The following RARB variants were observed in gnomAD, a reference collection of about 807,000 sequenced individuals.
RARB encodes HBV-activated protein.
In RARB, 17 loss-of-function variants were observed where a neutral mutation model predicts 51.9. The observed-to-expected ratio is 0.33, with a 90% CI of 0.22 to 0.49. The LOEUF is 0.49. Ranked by LOEUF, RARB falls within the 20% of genes least tolerant of loss-of-function variation. The probability of loss-of-function intolerance (pLI) is 0.99; values close to 1 mark genes in which losing one functional copy is unlikely to be tolerated. For missense variants in RARB, 369 were observed against 550.8 expected (o/e 0.67, Z 3.30); for synonymous variants, 215 against 195.4 (o/e 1.10, Z -0.84).
intron 2 of RARB, among the ~76,000 whole-genome samples, chr3:24,984,322 T>C (rs575828764): frequency 3.3e-5 from 5 of 152,206 alleles, no homozygotes; most frequent in Non-Finnish European, 5.9e-5. Flanking sequence ...TGTGACTGTT[T>C]GCTCACTCAT....
chr3:25,300,005 T>A, intron 5 of RARB, among the ~76,000 whole-genome samples: 1 of 152,248 alleles, frequency 6.6e-6, no homozygotes, highest in Non-Finnish European at 1.5e-5. Flanking sequence ...ATTTTTTTAA[T>A]TCATTTGATT....
intron 5 of RARB, among the ~76,000 whole-genome samples, chr3:25,313,264 A>G (rs1323627995): frequency 1.3e-5 from 2 of 152,238 alleles, no homozygotes; most frequent in African/African-American, 4.8e-5. Context: ...TAGATAAACC[A>G]GACTTAGAAT....
Position 25,461,186 on chromosome 3 carries a change from A to G in RARB, c.158-7A>G, listed in dbSNP as rs182336010. Reference sequence around the variant, plus strand: ...TTTTTTCTCCCTCTACCCCATCTCTATTATAGCAATTGAAACACAGAGCAC... The same window carrying G: ...TTTTTTCTCCCTCTACCCCATCTCTGTTATAGCAATTGAAACACAGAGCAC... On this transcript the variant is annotated splice_polypyrimidine_tract_variant and splice_region_variant and intron_variant, in intron 1 of 7. Transcript: ENST00000330688. 27 of 1,603,924 alleles carry G rather than the reference A, an allele frequency of 1.7e-5. No homozygotes were observed. The Middle Eastern group carries it at 6.7e-4, about 40-fold the overall frequency.
At chr3:25,175,476 G>A (rs1700724677) in intron 5 of RARB, among the ~76,000 whole-genome samples, 1 of 152,146 alleles carries the variant, frequency 6.6e-6, no homozygotes, top group Non-Finnish European at 1.5e-5. Flanking sequence ...TATTAGCATG[G>A]TATCATTGGG....
chr3:25,202,885 G>A (rs553302084), intron 5 of RARB, among the ~76,000 whole-genome samples: 3 of 152,352 alleles, frequency 2.0e-5, no homozygotes, highest in Admixed American at 6.5e-5. Context: ...TAACTGCAAT[G>A]TGGTGCTGAG....
At chr3:25,142,985 G>A (rs1700134295) in intron 4 of RARB, among the ~76,000 whole-genome samples, 1 of 152,178 alleles carries the variant, frequency 6.6e-6, no homozygotes, top group African/African-American at 2.4e-5. Context: ...AGTAGTGATA[G>A]GAATTTTCTG....
chr3:25,136,045 C>T (rs1700027908), intron 4 of RARB, among the ~76,000 whole-genome samples: 1 of 151,868 alleles, frequency 6.6e-6, no homozygotes, highest in Non-Finnish European at 1.5e-5. Flanking sequence ...CTTATCTGAC[C>T]CAACCTTCTT....
chr3:25,401,181 C>A (rs1019942952), intron 5 of RARB, among the ~76,000 whole-genome samples: 1 of 152,082 alleles, frequency 6.6e-6, no homozygotes, highest in African/African-American at 2.4e-5. Flanking sequence ...CTTGGCATCC[C>A]TAGAGGACAA....
rs147751200 is a variant in RARB at position 25,366,514 on chromosome 3, A to C, written c.179-94679A>C. ...ATTTTAGAATATGTGTGTAGATAGCACAAAGATTCCTAGAAAACTGATGAA... is the reference window on the plus strand; with the variant it reads ...ATTTTAGAATATGTGTGTAGATAGCCCAAAGATTCCTAGAAAACTGATGAA... On this transcript the variant is annotated intron_variant, in intron 5 of 11. Coordinates refer to the RARB transcript ENST00000383772. Among the ~76,000 whole-genome samples the C allele has an allele frequency of 1.7e-3, 252 of 152,034 alleles. 1 individual carries two copies. Among genetic ancestry groups the C allele is most frequent in the Non-Finnish European group, 2.7e-3 (185 of 67,938 alleles).
intron 2 of RARB, among the ~76,000 whole-genome samples, chr3:24,926,430 C>T (rs1400044620): frequency 6.6e-6 from 1 of 152,038 alleles, no homozygotes; most frequent in Non-Finnish European, 1.5e-5. Context: ...AATACAAGTT[C>T]AATTGAAGAG....
chr3:24,877,346 CTTTTTTTTTT>C (rs66976672), intron 2 of RARB, among the ~76,000 whole-genome samples: 1 of 81,892 alleles, frequency 1.2e-5, no homozygotes, highest in East Asian at 4.1e-4. Flanking sequence ...AGCAATCTTA[CTTTTTTTTTT>C]TTTTTTTGGA....
At chr3:25,287,381 G>A (rs1490108174) in intron 5 of RARB, among the ~76,000 whole-genome samples, 3 of 152,154 alleles carry the variant, frequency 2.0e-5, no homozygotes, top group African/African-American at 4.8e-5. Context: ...TTTGGAATAA[G>A]CAATTTCTCT....
chr3:24,967,112 T>C (rs762793071), intron 2 of RARB, among the ~76,000 whole-genome samples: 60 of 152,130 alleles, frequency 3.9e-4, no homozygotes, highest in Non-Finnish European at 6.2e-4. Context: ...TTCCATATTA[T>C]CTTGAAAAAT....
chr3:25,117,558 A>G (rs1699708782), intron 3 of RARB, among the ~76,000 whole-genome samples: 1 of 152,190 alleles, frequency 6.6e-6, no homozygotes, highest in Non-Finnish European at 1.5e-5. Flanking sequence ...ACTGACAATC[A>G]GAGAATAGGA....
At chr3:25,157,350 TTGTG>T (rs748559000) in intron 4 of RARB, among the ~76,000 whole-genome samples, 24 of 145,084 alleles carry the variant, frequency 1.7e-4, no homozygotes, top group East Asian at 6.1e-4. Context: ...GTGTGTGTGT[TTGTG>T]TGTGTGTGTG....
At chr3:25,077,127 ATAAT>A (rs1289763388) in intron 3 of RARB, among the ~76,000 whole-genome samples, 2 of 152,232 alleles carry the variant, frequency 1.3e-5, no homozygotes, top group African/African-American at 4.8e-5. Flanking sequence ...CCCAATATTG[ATAAT>A]TAATGGGCTC....
chr3:25,079,460 A>G lies in RARB; in HGVS notation c.-328+19284A>G, dbSNP rs556537887. Among the ~76,000 whole-genome samples, 15 of 152,288 alleles carry G rather than the reference A, an allele frequency of 9.8e-5. No homozygotes were observed. In the South Asian group the frequency reaches 3.1e-3, roughly 32 times the overall value. On this transcript the variant is annotated intron_variant, in intron 3 of 11. Coordinates refer to the RARB transcript ENST00000383772. ...GTCCCTTCCTCCAATCTTAAGGGGA[A>G]AGCATTTAGTCATTTACCCTTAAGT...
chr3:25,487,789 C>T (rs1286664), intron 2 of RARB, among the ~76,000 whole-genome samples: 28,522 of 152,020 alleles, frequency 0.19, 2,796 homozygotes, highest in East Asian at 0.32. Flanking sequence ...CTGCCTGGTG[C>T]TTTCACGGGG....
chr3:25,347,782 C>G (rs1705438267), intron 5 of RARB, among the ~76,000 whole-genome samples: 1 of 152,182 alleles, frequency 6.6e-6, no homozygotes, highest in African/African-American at 2.4e-5. Context: ...CAATGAAACT[C>G]CAATCATTCA....
Sources: gnomAD v4.1 joint callset for allele counts (sites outside exome capture counted in the v4.1 genomes callset) on GRCh38, gnomAD v4.1.1 for gene constraint, MANE v1.5 for transcripts, NCBI Gene and HGNC (gene_info 2026-07-23, HGNC 2026-07-21) for gene names.